Variants in CPVL observed in about 807,000 individuals in gnomAD.
CPVL encodes probable serine carboxypeptidase CPVL.
Under a neutral mutation model 63.7 loss-of-function variants are expected in CPVL, and 51 were observed. That is an observed-to-expected ratio of 0.80 (90% CI 0.64 to 1.01). The LOEUF (loss-of-function observed/expected upper bound fraction) is 1.01. CPVL is among the 50% of genes least tolerant of loss of function. The pLI is 0.00. For missense variants in CPVL, 530 were observed against 573.1 expected (o/e 0.92, Z 0.77); for synonymous variants, 195 against 206.0 (o/e 0.95, Z 0.46).
At chr7:29,055,541 G>A (rs10254918) in intron 11 of CPVL, among the ~76,000 whole-genome samples, 99,140 of 152,096 alleles carry the variant, frequency 0.65, 32,852 homozygotes, top group Non-Finnish European at 0.72. Flanking sequence ...ATGAGCCACC[G>A]TGCCCGGCCC....
chr7:29,166,952 AT>A (rs1438369233), intron 5 of CPVL, among the ~76,000 whole-genome samples: 1 of 151,938 alleles, frequency 6.6e-6, no homozygotes, highest in Non-Finnish European at 1.5e-5. Flanking sequence ...CCATTGACTG[AT>A]TTTTCTCCAC....
intron 3 of CPVL, among the ~76,000 whole-genome samples, chr7:29,098,115 C>T (rs534357751): frequency 6.6e-6 from 1 of 152,298 alleles, no homozygotes; most frequent in African/African-American, 2.4e-5. Context: ...CCACCTCTGA[C>T]TTGGCCTGGC....
chr7:29,056,152 G>C (rs773803755), intron 11 of CPVL, among the ~76,000 whole-genome samples: 4 of 152,158 alleles, frequency 2.6e-5, no homozygotes, highest in Admixed American at 6.5e-5. Context: ...TCACCACAGC[G>C]ATGTATTTGT....
At position 29,064,155 on chromosome 7, in the gene CPVL, G is replaced by C. The variant is rs145255289; in HGVS notation, c.1043C>G (p.Thr348Ser). Residue 348 changes from threonine to serine, a missense_variant, in exon 11 of 13, where the codon ACT becomes AGT. By Grantham distance (58) the Thr-to-Ser change is moderately conservative (BLOSUM62 1). Coordinates refer to ENST00000265394, the MANE Select transcript of CPVL (RefSeq NM_031311.5). Reference protein sequence around the residue: ...VRQAIHVGNQTFNDGTIVEKY... With the variant: ...VRQAIHVGNQSFNDGTIVEKY... ...TTCAACTATAGTTCCATCATTAAAA[G>C]TCTGATTCCCCACGTGGATGGCTTG... 9.7e-3 allele frequency: 15,627 copies of C among 1,612,588 alleles called. 94 individuals carry two copies. Among genetic ancestry groups the C allele is most frequent in the Non-Finnish European group, 0.011 (12,952 of 1,178,696 alleles).
chr7:29,047,950 T>C (rs961468021), intron 11 of CPVL, among the ~76,000 whole-genome samples: 8 of 152,114 alleles, frequency 5.3e-5, no homozygotes, highest in African/African-American at 1.9e-4. Flanking sequence ...CTAAGCATCA[T>C]ATATGAAGGA....
chr7:29,140,009 C>A (rs532371486), intron 1 of CPVL, among the ~76,000 whole-genome samples: 1 of 152,262 alleles, frequency 6.6e-6, no homozygotes, highest in East Asian at 1.9e-4. Context: ...CTCAGAATGG[C>A]TTCATCTTTA....
intron 5 of CPVL, among the ~76,000 whole-genome samples, chr7:29,154,612 T>G (rs1794079055): frequency 6.6e-6 from 1 of 152,114 alleles, no homozygotes; most frequent in Admixed American, 6.5e-5. Context: ...GGCAGGCAGA[T>G]TTCTTGAGGT....
At chr7:29,064,449 T>C (rs1183566077) in intron 10 of CPVL, among the ~76,000 whole-genome samples, 1 of 152,204 alleles carries the variant, frequency 6.6e-6, no homozygotes, top group Non-Finnish European at 1.5e-5. Flanking sequence ...CTTAAAATAC[T>C]CTTAAAATAC....
chr7:29,112,022 T>G (rs568225872), intron 3 of CPVL, among the ~76,000 whole-genome samples: 5 of 152,226 alleles, frequency 3.3e-5, no homozygotes, highest in Admixed American at 1.3e-4. Flanking sequence ...TACAGAAGAA[T>G]GGCATAATCT....
chr7:29,080,631 CAGCCATGCATGA>C (rs1428236974), intron 7 of CPVL, among the ~76,000 whole-genome samples: 1 of 151,164 alleles, frequency 6.6e-6, no homozygotes, highest in African/African-American at 2.4e-5. Flanking sequence ...TATCTAAAGG[CAGCCATGCATGA>C]ACTCCATTCT....
intron 12 of CPVL, among the ~76,000 whole-genome samples, chr7:29,003,358 A>C (rs1249995360): frequency 6.6e-6 from 1 of 152,240 alleles, no homozygotes; most frequent in African/African-American, 2.4e-5. Flanking sequence ...CTTAAATAAA[A>C]TATCTGCCAA....
At chr7:29,019,106 T>C (rs1233356677) in intron 12 of CPVL, among the ~76,000 whole-genome samples, 1 of 152,116 alleles carries the variant, frequency 6.6e-6, no homozygotes, top group East Asian at 1.9e-4. Flanking sequence ...ATTATGACAT[T>C]TGCTGAAAGA....
chr7:29,061,859 T>C (rs1031151746), intron 11 of CPVL, among the ~76,000 whole-genome samples: 4 of 151,676 alleles, frequency 2.6e-5, no homozygotes, highest in African/African-American at 4.9e-5. Flanking sequence ...GGCAGGAGAA[T>C]TGCTTGAACC....
chr7:29,054,450 C>T (rs902663849), intron 11 of CPVL, among the ~76,000 whole-genome samples: 4 of 152,294 alleles, frequency 2.6e-5, no homozygotes, highest in Admixed American at 6.5e-5. Context: ...AGATATTATG[C>T]CTTCCATTGC....
chr7:29,116,543 A>G (rs1032181532), intron 2 of CPVL, among the ~76,000 whole-genome samples: 2 of 152,232 alleles, frequency 1.3e-5, no homozygotes, highest in Non-Finnish European at 2.9e-5. Flanking sequence ...AATGTTTGTG[A>G]TATTAACACT....
intron 7 of CPVL, among the ~76,000 whole-genome samples, chr7:29,076,247 G>T (rs1286678154): frequency 6.6e-6 from 1 of 152,118 alleles, no homozygotes; most frequent in Admixed American, 6.6e-5. Flanking sequence ...TTTGTTCTGA[G>T]TTCTAATGAA....
chr7:29,049,800 C>G (rs1282272847), intron 11 of CPVL, among the ~76,000 whole-genome samples: 2 of 152,028 alleles, frequency 1.3e-5, no homozygotes, highest in Non-Finnish European at 2.9e-5. Context: ...AACAACATAT[C>G]AAAAAGATAA....
chr7:29,183,996 T>C (rs143507438), intron 4 of CPVL, among the ~76,000 whole-genome samples: 79 of 152,150 alleles, frequency 5.2e-4, no homozygotes, highest in African/African-American at 1.9e-3. Flanking sequence ...TGATTCAAAG[T>C]ATACAGGAGG....
intron 5 of CPVL, among the ~76,000 whole-genome samples, chr7:29,166,818 G>A (rs1795979088): frequency 6.6e-6 from 1 of 151,868 alleles, no homozygotes; most frequent in Non-Finnish European, 1.5e-5. Context: ...TTATTCCAAT[G>A]ATATTCTCTA....
Sources: gnomAD v4.1 joint callset for allele counts (sites outside exome capture counted in the v4.1 genomes callset) on GRCh38, gnomAD v4.1.1 for gene constraint, MANE v1.5 for transcripts, NCBI Gene and HGNC (gene_info 2026-07-23, HGNC 2026-07-21) for gene names.